AMDHD1: variants seen among roughly 807,000 people sequenced by gnomAD.
AMDHD1 encodes the protein probable imidazolonepropionase.
AMDHD1 carries 45 observed loss-of-function variants against 44.1 expected under a neutral mutation model. That is an observed-to-expected ratio of 1.02 (90% CI 0.80 to 1.31). The LOEUF is 1.31. Ranked by LOEUF, AMDHD1 falls within the 50% of genes most tolerant of loss-of-function variation. AMDHD1 has a pLI of 0.00. For missense variants in AMDHD1, 586 were observed against 552.1 expected (o/e 1.06, Z -0.61); for synonymous variants, 206 against 205.0 (o/e 1.00, Z -0.04).
At chr12:95,956,631 A>T in intron 3 of AMDHD1, 54 bp from the exon 4 acceptor site, 1 of 1,593,926 alleles carries the variant, frequency 6.3e-7, no homozygotes, top group Non-Finnish European at 8.6e-7. Context: ...GATTCTTCAG[A>T]CCTCCCTGCA....
Position 95,957,683 on chromosome 12 carries a change from T to G in AMDHD1, c.587+721T>G, listed in dbSNP as rs536238890. Among the ~76,000 whole-genome samples the G allele has an allele frequency of 3.2e-4, 49 of 152,340 alleles. 1 individual carries two copies. The highest frequency in any genetic ancestry group is 1.2e-3 in the African/African-American group (49 of 41,576). On this transcript the variant is annotated intron_variant, in intron 4 of 8. Coordinates refer to ENST00000266736, the MANE Select transcript of AMDHD1 (RefSeq NM_152435.3). ...AATAGATAAATATAATACTACAGACTTACAATCATTATTTAAAAATTTAAT... is the reference window on the plus strand; with the variant it reads ...AATAGATAAATATAATACTACAGACGTACAATCATTATTTAAAAATTTAAT...
chr12:95,960,725 G>A (rs2080577382), intron 5 of AMDHD1, 102 bp downstream of exon 5: 1 of 1,207,488 alleles, frequency 8.3e-7, no homozygotes, highest in African/African-American at 1.5e-5. Context: ...AAAAGATATT[G>A]AATGGGGAAA....
At chr12:95,943,573 G>T in intron 1 of AMDHD1, 38 bp downstream of exon 1, 1 of 1,408,632 alleles carries the variant, frequency 7.1e-7, no homozygotes. Context: ...ACCGCCACGG[G>T]CGGAGCTGGC....
chr12:95,955,766 G>A (rs773268235), intron 3 of AMDHD1, among the ~76,000 whole-genome samples: 8 of 152,116 alleles, frequency 5.3e-5, no homozygotes, highest in African/African-American at 1.7e-4. Context: ...TGAAAACTCC[G>A]GCCAGGAGAC....
intron 1 of AMDHD1, 72 bp downstream of exon 1, chr12:95,943,607 C>T: frequency 1.4e-5 from 19 of 1,370,382 alleles, no homozygotes; most frequent in Non-Finnish European, 1.8e-5. Flanking sequence ...ACTGTGCACT[C>T]TGGAGGGAAA....
At chr12:95,967,637 T>C in intron 8 of AMDHD1, 119 bp from the exon 9 acceptor site, 1 of 759,226 alleles carries the variant, frequency 1.3e-6, no homozygotes, top group Non-Finnish European at 2.1e-6. Context: ...CAAATACCAT[T>C]GACTGGGTGT....
chr12:95,964,143 A>G (rs974890808), intron 6 of AMDHD1, among the ~76,000 whole-genome samples: 1 of 152,088 alleles, frequency 6.6e-6, no homozygotes, highest in African/African-American at 2.4e-5. Context: ...AAAAGTCTGA[A>G]CTTTGTTCCT....
intron 2 of AMDHD1, among the ~76,000 whole-genome samples, chr12:95,953,252 G>A (rs781259655): frequency 9.2e-5 from 14 of 152,162 alleles, no homozygotes; most frequent in Non-Finnish European, 2.1e-4. Context: ...AGGCTAACAA[G>A]GCAGCTGCTG....
At chr12:95,954,835 A>C in intron 2 of AMDHD1, 76 bp from the exon 3 acceptor site, 2 of 1,346,672 alleles carry the variant, frequency 1.5e-6, no homozygotes, top group Non-Finnish European at 2.1e-6. Flanking sequence ...GCAGCAGGGT[A>C]TAGTGCTGCT....
At chr12:95,958,915 C>T (rs1361026208) in intron 4 of AMDHD1, among the ~76,000 whole-genome samples, 5 of 151,968 alleles carry the variant, frequency 3.3e-5, no homozygotes, top group African/African-American at 9.7e-5. Flanking sequence ...ATTAGCTGGG[C>T]GTGGTGGCAC....
chr12:95,958,718 G>A (rs2080564747), intron 4 of AMDHD1, among the ~76,000 whole-genome samples: 1 of 152,160 alleles, frequency 6.6e-6, no homozygotes, highest in Non-Finnish European at 1.5e-5. Context: ...GTGAAACAGA[G>A]CTAAATGCCA....
intron 4 of AMDHD1, among the ~76,000 whole-genome samples, chr12:95,957,608 G>A (rs1463685176): frequency 6.6e-6 from 1 of 152,146 alleles, no homozygotes; most frequent in East Asian, 1.9e-4. Context: ...ACTTGAACAT[G>A]CATAAGGTGC....
rs755703276 is a variant in AMDHD1 at position 95,956,747 on chromosome 12, G to C, written c.372G>C (p.Glu124Asp). The C allele has an allele frequency of 6.2e-7, 1 of 1,614,100 alleles. No homozygotes were observed. The highest frequency in any genetic ancestry group is 8.5e-7 in the Non-Finnish European group (1 of 1,180,050). ...GAGGAGGGATCCACTTTACCGTGGA[G>C]CGCACGCGCCAAGCCACAGAGGAGG... ...QAGGGIHFTV[E>D]RTRQATEEEL... Residue 124 changes from glutamate (E) to aspartate (D), a missense_variant, in exon 4 of 9, where the codon GAG becomes GAC. Glu to Asp is a conservative substitution (Grantham distance 45). Transcript: ENST00000266736.
At chr12:95,947,734 C>T (rs1429355492) in intron 1 of AMDHD1, among the ~76,000 whole-genome samples, 3 of 77,622 alleles carry the variant, frequency 3.9e-5, no homozygotes, top group African/African-American at 1.7e-4. Context: ...CCCCCCCACC[C>T]GGCCAGCCGC....
chr12:95,950,527 T>C (rs1416691646), intron 1 of AMDHD1, among the ~76,000 whole-genome samples: 5 of 152,320 alleles, frequency 3.3e-5, no homozygotes, highest in East Asian at 3.9e-4. Context: ...CCTAAATTAA[T>C]AGTGGCTGAA....
intron 4 of AMDHD1, among the ~76,000 whole-genome samples, chr12:95,958,779 G>A (rs968993082): frequency 6.6e-6 from 1 of 152,180 alleles, no homozygotes; most frequent in African/African-American, 2.4e-5. Flanking sequence ...GCGCAGGCAG[G>A]GCACGGTGGC....
Position 95,962,301 on chromosome 12 carries a change from T to C in AMDHD1, c.814-54T>C, listed in dbSNP as rs1269742543. Reference sequence around the variant, plus strand: ...AACAAAGCAATTTAATGGAACTTCATGGATTCGTTGTTGCTATTTGTTAAA... The same window carrying C: ...AACAAAGCAATTTAATGGAACTTCACGGATTCGTTGTTGCTATTTGTTAAA... On this transcript the variant is annotated intron_variant, in intron 5 of 8. Coordinates refer to ENST00000266736, the MANE Select transcript of AMDHD1 (RefSeq NM_152435.3). 11 of 1,574,108 alleles carry C rather than the reference T, an allele frequency of 7.0e-6. No individual in the cohort carries two copies. The Admixed American group carries it at 2.0e-4, about 29-fold the overall frequency.
intron 4 of AMDHD1, 108 bp downstream of exon 4, chr12:95,957,070 C>G: frequency 6.8e-7 from 1 of 1,471,238 alleles, no homozygotes; most frequent in Non-Finnish European, 9.2e-7. Context: ...GGATAGAAGT[C>G]TTTGGAAAGA....
chr12:95,957,988 GGT>G (rs1390032301), intron 4 of AMDHD1, among the ~76,000 whole-genome samples: 2 of 152,290 alleles, frequency 1.3e-5, no homozygotes, highest in African/African-American at 2.4e-5. Flanking sequence ...GGGAGGCGGA[GGT>G]TGCAGTGAGC....
Sources: allele counts gnomAD v4.1 joint callset (sites outside exome capture counted in the v4.1 genomes callset), GRCh38; gene constraint gnomAD v4.1.1; transcripts MANE v1.5; gene names NCBI Gene and HGNC (gene_info 2026-07-23, HGNC 2026-07-21).